Variants in ZNF423 observed in about 807,000 individuals in gnomAD.
The protein encoded by ZNF423 is zinc finger protein 423, also known as Ebf-associated zinc finger protein.
Under a neutral mutation model 95.8 loss-of-function variants are expected in ZNF423, and 12 were observed. The ratio of observed to expected loss-of-function variants is 0.13; its 90% CI spans 0.08 to 0.20. The LOEUF (loss-of-function observed/expected upper bound fraction) is 0.20. Ranked by LOEUF, ZNF423 falls within the 10% of genes least tolerant of loss-of-function variation. ZNF423 has a pLI of 1.00. For missense variants in ZNF423, 1,316 were observed against 1,737.1 expected, an observed-to-expected ratio of 0.76 and a Z score of 4.31; for synonymous variants, 749 against 711.9, an observed-to-expected ratio of 1.05 and a Z score of -0.83.
At position 49,618,752 on chromosome 16, in the gene ZNF423, G is replaced by A. The variant is rs150739324; in HGVS notation, c.3601+7418C>T. On this transcript the variant is annotated intron_variant, in intron 5 of 7. Coordinates refer to ENST00000563137, the MANE Select transcript of ZNF423 (RefSeq NM_001379286.1). ...TTGTCTTCTCTGCCAGTCCCTAAGA[G>A]CTCTTCCTCTGGCATGGTATCATCT... 4.4e-3 allele frequency among the ~76,000 whole-genome samples: 669 copies of A among 152,232 alleles called. 6 individuals are homozygous for A. The highest frequency in any genetic ancestry group is 0.015 in the African/African-American group (614 of 41,510).
At chr16:49,666,869 G>T (rs930604254) in intron 3 of ZNF423, among the ~76,000 whole-genome samples, 8 of 151,976 alleles carry the variant, frequency 5.3e-5, no homozygotes, top group African/African-American at 1.9e-4. Flanking sequence ...GGGGAGTGGG[G>T]CTGGGACCCC....
rs150756260 is a variant in ZNF423 at position 49,577,030 on chromosome 16, C to T, written c.3601+49140G>A. On this transcript the variant is annotated intron_variant, in intron 5 of 7. Transcript: ENST00000563137. Reference sequence around the variant, plus strand: ...AGAATCTGGAAATAACTGAGATGTGCCAAATGGATGTGACAACATTAAAGA... The same window carrying T: ...AGAATCTGGAAATAACTGAGATGTGTCAAATGGATGTGACAACATTAAAGA... Among the ~76,000 whole-genome samples, 38 of 152,264 alleles carry T rather than the reference C, an allele frequency of 2.5e-4. No individual in the cohort carries two copies. In the East Asian group the frequency reaches 5.8e-3, roughly 23 times the overall value.
At chr16:49,800,010 T>C (rs1236423234) in intron 1 of ZNF423, among the ~76,000 whole-genome samples, 1 of 152,152 alleles carries the variant, frequency 6.6e-6, no homozygotes, top group Admixed American at 6.5e-5. Context: ...TCCCAGCACT[T>C]TGGGAAGCAG....
intron 1 of ZNF423, among the ~76,000 whole-genome samples, chr16:49,825,749 C>T (rs2034998699): frequency 1.3e-5 from 2 of 152,206 alleles, no homozygotes; most frequent in Admixed American, 1.3e-4. Context: ...GGAAAAATCA[C>T]ACCTCAATAT....
chr16:49,771,192 CTTTTT>C (rs71380376), intron 2 of ZNF423, among the ~76,000 whole-genome samples: 1 of 89,436 alleles, frequency 1.1e-5, no homozygotes, highest in Non-Finnish European at 2.0e-5. Context: ...TTTTTTTTTT[CTTTTT>C]TTTTTTTTTT....
chr16:49,727,647 C>T (rs2033059289), intron 3 of ZNF423, among the ~76,000 whole-genome samples: 1 of 152,168 alleles, frequency 6.6e-6, no homozygotes, highest in African/African-American at 2.4e-5. Flanking sequence ...CAGGACACAC[C>T]CGTTTGGGGA....
At chr16:49,634,533 C>A (rs1435639646) in intron 4 of ZNF423, among the ~76,000 whole-genome samples, 1 of 152,082 alleles carries the variant, frequency 6.6e-6, no homozygotes, top group Non-Finnish European at 1.5e-5. Flanking sequence ...CCTCTGCCCT[C>A]CTCACCCCCT....
At chr16:49,686,529 G>A (rs947914948) in intron 3 of ZNF423, among the ~76,000 whole-genome samples, 4 of 151,866 alleles carry the variant, frequency 2.6e-5, no homozygotes, top group Non-Finnish European at 4.4e-5. Flanking sequence ...GCCTGCGTAC[G>A]CCCCACACGG....
chr16:49,531,696 G>T (rs1371409239), intron 5 of ZNF423, among the ~76,000 whole-genome samples: 1 of 152,214 alleles, frequency 6.6e-6, no homozygotes, highest in Non-Finnish European at 1.5e-5. Context: ...TGACATTTAG[G>T]CTGGGAGTCA....
Position 49,732,895 on chromosome 16 carries a change from G to A in ZNF423, c.101-1924C>T, listed in dbSNP as rs2033201868. 4.6e-5 allele frequency among the ~76,000 whole-genome samples: 7 copies of A among 152,316 alleles called. 1 individual carries two copies. The South Asian group carries it at 1.4e-3, about 32-fold the overall frequency. Reference sequence around the variant, plus strand: ...TGCACGACACGCCGCCTGGAACTGCGCGGAGGCAGTAAAAATCAATGTTTC... The same window carrying A: ...TGCACGACACGCCGCCTGGAACTGCACGGAGGCAGTAAAAATCAATGTTTC... On this transcript the variant is annotated intron_variant, in intron 2 of 7. Transcript: ENST00000563137.
At chr16:49,717,098 T>C (rs1486044478) in intron 3 of ZNF423, among the ~76,000 whole-genome samples, 1 of 152,132 alleles carries the variant, frequency 6.6e-6, no homozygotes, top group Non-Finnish European at 1.5e-5. Flanking sequence ...AACCAAAACA[T>C]CACTCCTTAC....
At chr16:49,661,283 C>T (rs969135900) in intron 3 of ZNF423, among the ~76,000 whole-genome samples, 14 of 151,530 alleles carry the variant, frequency 9.2e-5, no homozygotes, top group South Asian at 2.1e-4. Context: ...CATATTTTTC[C>T]GGGAAAACAC....
chr16:49,536,432 GTTTTT>G (rs767808121), intron 5 of ZNF423, among the ~76,000 whole-genome samples: 1 of 126,806 alleles, frequency 7.9e-6, no homozygotes, highest in Non-Finnish European at 1.6e-5. Flanking sequence ...TTTCTGGGTG[GTTTTT>G]TTTTTTTTTT....
Position 49,636,415 on chromosome 16 carries a change from G to C in ZNF423, c.2761C>G (p.Pro921Ala). The stretch of plus-strand genomic sequence containing the variant: ...TTGCGTGAGCCATCATCCTCGCCCG[G>C]CCGGATATTGTGGTCCCGCAGCCGG... ...NHRLRDHNIR[P>A]GEDDGSRKKA... Residue 921 changes from proline (P) to alanine (A), a missense_variant, in exon 4 of 8, where the codon CCG (proline) becomes GCG (alanine). Transcript: ENST00000563137. This position sits in a 1 kb window ranked among gnomAD's most constrained non-coding sequence, Gnocchi z 8.6. 6.2e-7 allele frequency: 1 copy of C among 1,613,320 alleles called. No homozygotes were observed. Among genetic ancestry groups the C allele is most frequent in the Non-Finnish European group, 8.5e-7 (1 of 1,180,022 alleles).
chr16:49,717,044 C>T (rs2032728827), intron 3 of ZNF423, among the ~76,000 whole-genome samples: 1 of 152,170 alleles, frequency 6.6e-6, no homozygotes, highest in African/African-American at 2.4e-5. Flanking sequence ...CCTCCCCCGC[C>T]ACCCTCTGAT....
intron 3 of ZNF423, among the ~76,000 whole-genome samples, chr16:49,729,037 G>T (rs998848327): frequency 3.3e-5 from 5 of 152,114 alleles, no homozygotes; most frequent in African/African-American, 1.2e-4. Context: ...AGCCCGAAAT[G>T]CCACCATTCT....
chr16:49,504,766 C>T (rs1967565578), intron 7 of ZNF423, among the ~76,000 whole-genome samples: 2 of 152,170 alleles, frequency 1.3e-5, no homozygotes, highest in Non-Finnish European at 2.9e-5. Flanking sequence ...CAGCTGAGTG[C>T]AAGCAGAGGG....
At chr16:49,768,156 C>T (rs1157799170) in intron 2 of ZNF423, among the ~76,000 whole-genome samples, 1 of 152,254 alleles carries the variant, frequency 6.6e-6, no homozygotes, top group Non-Finnish European at 1.5e-5. Flanking sequence ...TCGCGCACAG[C>T]TGGACTCTGC....
intron 3 of ZNF423, among the ~76,000 whole-genome samples, chr16:49,654,570 T>C (rs144998896): frequency 6.6e-6 from 1 of 152,316 alleles, no homozygotes; most frequent in African/African-American, 2.4e-5. Flanking sequence ...ACAGATGAGG[T>C]GCCATCATGG....
Sources: gnomAD v4.1 joint callset for allele counts (sites outside exome capture counted in the v4.1 genomes callset) on GRCh38, gnomAD v4.1.1 for gene constraint, Gnocchi (gnomAD v3.1) non-coding constraint, MANE v1.5 for transcripts, NCBI Gene and HGNC (gene_info 2026-07-23, HGNC 2026-07-21) for gene names.